BDH1: variants seen among roughly 807,000 people sequenced by gnomAD.
The protein encoded by BDH1 is D-beta-hydroxybutyrate dehydrogenase, mitochondrial.
Under a neutral mutation model 33.1 loss-of-function variants are expected in BDH1, and 30 were observed. The ratio of observed to expected loss-of-function variants is 0.91; its 90% CI spans 0.68 to 1.23. BDH1 has a LOEUF of 1.23. Among genes scored for constraint, BDH1 ranks in the 50% most tolerant of loss-of-function variants. The pLI is 0.00. For missense variants in BDH1, 443 were observed against 464.4 expected (o/e 0.95, Z 0.42); for synonymous variants, 190 against 183.6 (o/e 1.03, Z -0.28).
Position 197,522,850 on chromosome 3 carries a change from G to C in BDH1, c.268-69C>G. On this transcript the variant is annotated intron_variant, in intron 5 of 7. Transcript: ENST00000392379. This position sits in a 1 kb window ranked among gnomAD's most constrained non-coding sequence, Gnocchi z 4.8. ...CCTGAGGCAGACCCTGAGGACTCCT[G>C]TCAAGGCAGGAGCTGGCCTCAAGTC... 1 of 1,566,092 alleles carries C rather than the reference G, an allele frequency of 6.4e-7. No individual in the cohort carries two copies. The highest frequency in any genetic ancestry group is 8.7e-7 in the Non-Finnish European group (1 of 1,151,702).
At position 197,522,424 on chromosome 3, in the gene BDH1, G is replaced by C. The variant is rs1713652408; in HGVS notation, c.409+216C>G. On this transcript the variant is annotated intron_variant, in intron 6 of 7. Transcript: ENST00000392379. This position sits in a 1 kb window ranked among gnomAD's most constrained non-coding sequence, Gnocchi z 4.8. ...AGTGCGTAGCCACCTAGCACTCCGTGAACTCTGAAATCACCTCCTGACTGT... is the reference window on the plus strand; with the variant it reads ...AGTGCGTAGCCACCTAGCACTCCGTCAACTCTGAAATCACCTCCTGACTGT... 6.6e-6 allele frequency among the ~76,000 whole-genome samples: 1 copy of C among 152,206 alleles called. No individual in the cohort carries two copies. Among genetic ancestry groups the C allele is most frequent in the East Asian group, 1.9e-4 (1 of 5,196 alleles).
At chr3:197,512,927 C>A (rs1407263646) in intron 7 of BDH1, among the ~76,000 whole-genome samples, 1 of 152,188 alleles carries the variant, frequency 6.6e-6, no homozygotes, top group Non-Finnish European at 1.5e-5. Context: ...GGGGCTGCAG[C>A]TGGGAGGGAG....
intron 3 of BDH1, among the ~76,000 whole-genome samples, chr3:197,534,988 T>C (rs2099247): frequency 0.26 from 40,269 of 152,066 alleles, 5,978 homozygotes; most frequent in African/African-American, 0.39. Flanking sequence ...CAGCAGACTG[T>C]GTTTGGTGAG....
intron 1 of BDH1, among the ~76,000 whole-genome samples, chr3:197,568,737 G>C (rs1029059895): frequency 6.6e-6 from 1 of 151,892 alleles, no homozygotes; most frequent in Non-Finnish European, 1.5e-5. Flanking sequence ...TCTTGGAAGA[G>C]GGAACAATAT....
chr3:197,572,989 G>A (rs563510574), intron 1 of BDH1, among the ~76,000 whole-genome samples: 125 of 152,274 alleles, frequency 8.2e-4, no homozygotes, highest in Non-Finnish European at 2.2e-4. Flanking sequence ...GACAGAGCCT[G>A]CTATTTCAAA....
intron 3 of BDH1, among the ~76,000 whole-genome samples, chr3:197,536,890 T>C (rs1467436805): frequency 1.3e-5 from 2 of 152,228 alleles, no homozygotes; most frequent in Non-Finnish European, 2.9e-5. Flanking sequence ...AAACAAATCC[T>C]ACACATGCTG....
intron 3 of BDH1, among the ~76,000 whole-genome samples, chr3:197,535,555 G>A (rs757799418): frequency 1.3e-5 from 2 of 152,208 alleles, no homozygotes; most frequent in Non-Finnish European, 2.9e-5. Context: ...TGGGACAACA[G>A]AGGAATTTTC....
rs562894461 is a variant in BDH1, at chr3:197,572,309, C to T, written c.-44+872G>A. On this transcript the variant is annotated intron_variant, in intron 1 of 6. Coordinates refer to the BDH1 transcript ENST00000358186. Reference sequence around the variant, plus strand: ...CACCCATTTAGATTAAATGAATTTACGAAGGCTCCAAAGGAAGGCCTTCAG... The same window carrying T: ...CACCCATTTAGATTAAATGAATTTATGAAGGCTCCAAAGGAAGGCCTTCAG... 2.0e-3 allele frequency among the ~76,000 whole-genome samples: 310 copies of T among 152,128 alleles called. 2 individuals carry two copies. Among genetic ancestry groups the T allele is most frequent in the Non-Finnish European group, 4.0e-3 (269 of 68,022 alleles).
At chr3:197,529,946 A>G (rs2108738353) in intron 5 of BDH1, 1 of 152,334 alleles carries the variant, frequency 6.6e-6, no homozygotes, top group South Asian at 2.1e-4. Flanking sequence ...CTATAGCAGT[A>G]GAACGCCTGA....
At chr3:197,532,307 G>T (rs1714737826) in intron 5 of BDH1, 105 bp downstream of exon 5, 1 of 917,402 alleles carries the variant, frequency 1.1e-6, no homozygotes. Flanking sequence ...GGACAGGCTG[G>T]TTTAAGCAAA....
chr3:197,522,000 C>T lies in BDH1; in HGVS notation c.409+640G>A, dbSNP rs947012931. Among the ~76,000 whole-genome samples the T allele has an allele frequency of 6.6e-6, 1 of 152,182 alleles. No homozygotes were observed. Among genetic ancestry groups the T allele is most frequent in the Admixed American group, 6.5e-5 (1 of 15,280 alleles). ...GATCCAAGACCTCCCTCCCCAACCT[C>T]CTTTGCTGCCACCCCCTCTGCGTGA... On this transcript the variant is annotated intron_variant, in intron 6 of 7. Transcript: ENST00000392379. This position sits in a 1 kb window ranked among gnomAD's most constrained non-coding sequence, Gnocchi z 4.9.
At chr3:197,553,932 G>A (rs964567475) in intron 2 of BDH1, among the ~76,000 whole-genome samples, 3 of 152,194 alleles carry the variant, frequency 2.0e-5, no homozygotes, top group African/African-American at 7.2e-5. Flanking sequence ...TAGTGCAAAT[G>A]ATTAAGCAGC....
At chr3:197,550,867 CTGCCACT>C (rs1716509206) in intron 2 of BDH1, among the ~76,000 whole-genome samples, 1 of 152,214 alleles carries the variant, frequency 6.6e-6, no homozygotes, top group Non-Finnish European at 1.5e-5. Context: ...CTGGACGTTT[CTGCCACT>C]TGCCACCAAA....
chr3:197,566,067 A>C (rs1317649938), intron 1 of BDH1, among the ~76,000 whole-genome samples: 1 of 152,256 alleles, frequency 6.6e-6, no homozygotes, highest in Non-Finnish European at 1.5e-5. Context: ...AATTGAGTGA[A>C]GTATACTTCT....
At chr3:197,536,550 C>A (rs890899769) in intron 3 of BDH1, among the ~76,000 whole-genome samples, 1 of 152,034 alleles carries the variant, frequency 6.6e-6, no homozygotes, top group African/African-American at 2.4e-5. Flanking sequence ...GCATTTAAAC[C>A]ATACATGCGG....
At chr3:197,553,334 T>C (rs1298434458) in intron 2 of BDH1, among the ~76,000 whole-genome samples, 12 of 149,218 alleles carry the variant, frequency 8.0e-5, no homozygotes, top group Non-Finnish European at 4.5e-5. Context: ...ATCGAGACCA[T>C]CCTGGCCAAC....
rs376299728 is a variant in BDH1 at position 197,519,204 on chromosome 3, C to G, written c.409+3436G>C. On this transcript the variant is annotated intron_variant, in intron 6 of 7. Coordinates refer to ENST00000392379, the MANE Select transcript of BDH1 (RefSeq NM_203314.3). ...TACTCCTCCACATATGTTCTGCTGC[C>G]TGTCAGCCTGCGAGCAGCTTGTGTT... 2.6e-4 allele frequency among the ~76,000 whole-genome samples: 39 copies of G among 152,120 alleles called. No homozygotes were observed. The East Asian group carries it at 7.0e-3, about 27-fold the overall frequency.
rs148237493 is a variant in BDH1, at chr3:197,543,402, T to C, written c.83+2959A>G. On this transcript the variant is annotated intron_variant, in intron 3 of 7. Coordinates refer to ENST00000392379, the MANE Select transcript of BDH1 (RefSeq NM_203314.3). The stretch of plus-strand genomic sequence containing the variant: ...GGGTCAGGCCACCCTGGGAGCACTA[T>C]GTGCTGTACCTGGCCTGGCAGAGCT... Among the ~76,000 whole-genome samples the C allele has an allele frequency of 3.1e-3, 479 of 152,374 alleles. 1 individual carries two copies. Among genetic ancestry groups the C allele is most frequent in the African/African-American group, 0.011 (454 of 41,594 alleles).
chr3:197,529,981 C>T (rs910897082), intron 5 of BDH1: 4 of 152,166 alleles, frequency 2.6e-5, no homozygotes, highest in African/African-American at 9.7e-5. Context: ...TACATATTGT[C>T]TCAGAATACT....
Sources: allele counts gnomAD v4.1 joint callset (sites outside exome capture counted in the v4.1 genomes callset), GRCh38; gene constraint gnomAD v4.1.1; non-coding constraint Gnocchi (gnomAD v3.1); transcripts MANE v1.5; gene names NCBI Gene and HGNC (gene_info 2026-07-23, HGNC 2026-07-21).